EPB41L5: variants seen among roughly 807,000 people sequenced by gnomAD.
EPB41L5 encodes the protein band 4.1-like protein 5.
A neutral mutation model predicts 106.6 loss-of-function variants in EPB41L5; 55 were observed. The observed-to-expected ratio is 0.52, with a 90% CI of 0.42 to 0.65. The LOEUF (loss-of-function observed/expected upper bound fraction) is 0.65. Among genes scored for constraint, EPB41L5 ranks in the 30% least tolerant of loss-of-function variants. EPB41L5 has a pLI of 0.00. For synonymous variants in EPB41L5, 297 were observed against 306.7 expected (o/e 0.97, Z 0.33); for missense variants, 871 against 882.1 (o/e 0.99, Z 0.16).
chr2:120,163,271 C>T (rs866897806), intron 21 of EPB41L5, among the ~76,000 whole-genome samples: 1 of 120,084 alleles, frequency 8.3e-6, no homozygotes, highest in Admixed American at 8.2e-5. Context: ...CCCCCCCCCC[C>T]CAAAAAAAGA....
chr2:120,085,067 T>C (rs1005926591), intron 10 of EPB41L5, among the ~76,000 whole-genome samples: 4 of 152,200 alleles, frequency 2.6e-5, no homozygotes, highest in African/African-American at 9.7e-5. Flanking sequence ...TGTGATGGGT[T>C]CGAACTTCCT....
At chr2:120,132,625 A>T (rs898209146) in intron 18 of EPB41L5, among the ~76,000 whole-genome samples, 1 of 152,162 alleles carries the variant, frequency 6.6e-6, no homozygotes, top group Non-Finnish European at 1.5e-5. Context: ...AGCTGTTAGA[A>T]GGTGATTCAA....
intron 18 of EPB41L5, among the ~76,000 whole-genome samples, chr2:120,141,850 A>G (rs1050231676): frequency 4.6e-5 from 7 of 152,248 alleles, no homozygotes; most frequent in African/African-American, 1.7e-4. Context: ...GTTAAGGTCA[A>G]TGAATATGTT....
intron 1 of EPB41L5, among the ~76,000 whole-genome samples, chr2:120,015,937 A>G (rs905485619): frequency 3.3e-5 from 5 of 152,040 alleles, no homozygotes; most frequent in African/African-American, 1.2e-4. Context: ...CATAAAAATA[A>G]AACAACTGTA....
At chr2:120,024,052 G>T (rs1173813091) in intron 2 of EPB41L5, among the ~76,000 whole-genome samples, 1 of 152,194 alleles carries the variant, frequency 6.6e-6, no homozygotes, top group Non-Finnish European at 1.5e-5. Flanking sequence ...TGTTGAAGTT[G>T]TTTATCAGCT....
intron 2 of EPB41L5, among the ~76,000 whole-genome samples, chr2:120,041,227 A>T (rs947228981): frequency 6.6e-6 from 1 of 152,174 alleles, no homozygotes; most frequent in African/African-American, 2.4e-5. Flanking sequence ...AATCTGTTTA[A>T]TGTCTGGTTT....
intron 3 of EPB41L5, among the ~76,000 whole-genome samples, chr2:120,068,208 G>C (rs1681586609): frequency 6.6e-6 from 1 of 152,244 alleles, no homozygotes; most frequent in Non-Finnish European, 1.5e-5. Context: ...GCCAAGAGAA[G>C]CCATGAGGGA....
intron 3 of EPB41L5, among the ~76,000 whole-genome samples, chr2:120,048,037 T>C (rs1679932007): frequency 6.6e-6 from 1 of 152,234 alleles, no homozygotes; most frequent in African/African-American, 2.4e-5. Context: ...GATAAGCTTT[T>C]TGATGTGCTC....
chr2:120,139,297 A>T (rs973874869), intron 18 of EPB41L5, among the ~76,000 whole-genome samples: 1 of 152,124 alleles, frequency 6.6e-6, no homozygotes, highest in African/African-American at 2.4e-5. Context: ...TCCCAAAAGC[A>T]TAGGCAACCA....
intron 16 of EPB41L5, among the ~76,000 whole-genome samples, chr2:120,123,508 T>C (rs1439857848): frequency 6.6e-6 from 1 of 152,176 alleles, no homozygotes; most frequent in Non-Finnish European, 1.5e-5. Flanking sequence ...TTTATAGATA[T>C]AAGAACCATC....
At chr2:120,058,235 G>A (rs184712239) in intron 3 of EPB41L5, among the ~76,000 whole-genome samples, 2 of 152,096 alleles carry the variant, frequency 1.3e-5, no homozygotes, top group East Asian at 3.9e-4. Context: ...GCCCAGGCTG[G>A]AGTGCAGTGG....
chr2:120,076,539 A>G (rs1350133413), intron 7 of EPB41L5, among the ~76,000 whole-genome samples: 2 of 131,986 alleles, frequency 1.5e-5, no homozygotes, highest in African/African-American at 5.8e-5. Context: ...GCCTGAAACC[A>G]TCTTCCACCT....
At chr2:120,067,459 A>G (rs550066976) in intron 3 of EPB41L5, among the ~76,000 whole-genome samples, 44 of 152,302 alleles carry the variant, frequency 2.9e-4, no homozygotes, top group Admixed American at 9.1e-4. Context: ...ACAGTCACGT[A>G]TATCTTAGTT....
intron 17 of EPB41L5, among the ~76,000 whole-genome samples, chr2:120,129,630 CA>C (rs764799905): frequency 1.1e-4 from 16 of 151,780 alleles, no homozygotes; most frequent in Non-Finnish European, 2.4e-4. Flanking sequence ...ATACTTTTTG[CA>C]AAATATATTA....
At chr2:120,103,952 C>G in intron 16 of EPB41L5, 1 of 1,225,314 alleles carries the variant, frequency 8.2e-7, no homozygotes, top group Non-Finnish European at 1.1e-6. Flanking sequence ...CTCATAGCAG[C>G]AGTGCATGCT....
intron 16 of EPB41L5, chr2:120,106,998 T>A (rs1684492759): frequency 2.2e-6 from 1 of 452,398 alleles, no homozygotes; most frequent in Non-Finnish European, 2.9e-6. Context: ...TCAAATCATC[T>A]TTTTTTTTTT....
At chr2:120,016,356 G>T (rs1013919600) in intron 1 of EPB41L5, among the ~76,000 whole-genome samples, 48 of 152,034 alleles carry the variant, frequency 3.2e-4, no homozygotes, top group African/African-American at 1.2e-3. Flanking sequence ...CTTGAACCCG[G>T]CAGGTGGAGG....
chr2:120,134,425 C>A (rs566491332), intron 18 of EPB41L5, among the ~76,000 whole-genome samples: 2 of 152,070 alleles, frequency 1.3e-5, no homozygotes, highest in Non-Finnish European at 2.9e-5. Flanking sequence ...GACGGAAGAA[C>A]CTTTGGGCCT....
At chr2:120,019,308 G>T (rs778709748) in intron 2 of EPB41L5, 44 bp downstream of exon 2, 1 of 1,550,856 alleles carries the variant, frequency 6.4e-7, no homozygotes, top group East Asian at 2.3e-5. Context: ...TGCGATTACT[G>T]TCTTTGTTTG....
Sources: gnomAD v4.1 joint callset for allele counts (sites outside exome capture counted in the v4.1 genomes callset) on GRCh38, gnomAD v4.1.1 for gene constraint, MANE v1.5 for transcripts, NCBI Gene and HGNC (gene_info 2026-07-23, HGNC 2026-07-21) for gene names.